The following PHETA2 variants were observed in gnomAD, a reference collection of about 807,000 sequenced individuals.
PHETA2 encodes the protein sesquipedalian-2.
For synonymous variants in PHETA2, 133 were observed against 142.9 expected, an observed-to-expected ratio of 0.93 and a Z score of 0.50; for missense variants, 321 against 341.3, an observed-to-expected ratio of 0.94 and a Z score of 0.47.
At chr22:42,077,209 C>A in intron 2 of PHETA2, 71 bp from the exon 3 acceptor site, 2 of 1,432,342 alleles carry the variant, frequency 1.4e-6, no homozygotes, top group South Asian at 2.9e-5. Context: ...CCTCTGGAGC[C>A]GGTGCTGTTC....
Position 42,077,988 on chromosome 22 carries a change from G to T in PHETA2, c.695G>T (p.Gly232Val), listed in dbSNP as rs752707160. Residue 232 changes from glycine (G) to valine (V), a missense_variant, in exon 3 of 3, where the codon GGC (glycine) becomes GTC (valine). Physicochemically the swap from Gly to Val is moderately radical, Grantham distance 109. Transcript: ENST00000321753. The part of the protein sequence containing the change: ...SCFSTLHDWY[G>V]QEIVELRQCW... The stretch of plus-strand genomic sequence containing the variant: ...TTCTCTACCCTGCATGACTGGTATG[G>T]CCAGGAGATCGTGGAGCTGCGGCAG... 1.9e-6 allele frequency: 3 copies of T among 1,611,898 alleles called. No homozygotes were observed. Among genetic ancestry groups the T allele is most frequent in the Non-Finnish European group, 2.5e-6 (3 of 1,179,212 alleles).
intron 1 of PHETA2, among the ~76,000 whole-genome samples, chr22:42,074,937 A>G (rs182294569): frequency 9.3e-4 from 142 of 152,276 alleles, no homozygotes; most frequent in African/African-American, 3.2e-3. Flanking sequence ...GTTTGCCTAC[A>G]GTGTGTTTCC....
Position 42,079,415 on chromosome 22 carries a change from A to G in PHETA2, c.*1342A>G. 6.7e-6 allele frequency: 2 copies of G among 300,420 alleles called. No homozygotes were observed. Among genetic ancestry groups the G allele is most frequent in the Non-Finnish European group, 1.3e-5 (2 of 152,620 alleles). 18.6% of individuals were successfully genotyped at this position (300,420 alleles called of 1,614,324 possible). Reference sequence around the variant, plus strand: ...ACAGTGTTTTGTACACGGTTAAAACACTAGTAAAGCTTTTTCGTTATTACT... The same window carrying G: ...ACAGTGTTTTGTACACGGTTAAAACGCTAGTAAAGCTTTTTCGTTATTACT... On this transcript the variant is annotated 3_prime_UTR_variant, in exon 3 of 3. Transcript: ENST00000321753.
intron 1 of PHETA2, among the ~76,000 whole-genome samples, chr22:42,074,689 C>T (rs1927212629): frequency 1.3e-5 from 2 of 152,122 alleles, no homozygotes; most frequent in South Asian, 4.1e-4. Flanking sequence ...GTCATGGCCC[C>T]ACGGGCTGCC....
Position 42,077,767 on chromosome 22 carries a change from GC to G in PHETA2, c.478del (p.Gln160ArgfsTer51). 6.2e-7 allele frequency: 1 copy of G among 1,613,110 alleles called. No individual in the cohort carries two copies. Among genetic ancestry groups the G allele is most frequent in the African/African-American group, 1.3e-5 (1 of 75,064 alleles). Reference protein sequence around the residue: ...SWKSVASRCKPQAPNHRAAGL... With the variant: ...SWKSVASRCKXQAPNHRAAGL... ...GGAAGTCTGTTGCCAGCCGCTGTAA[GC>G]CCCAGGCTCCTAACCACCGAGCTGC... On this transcript the variant is annotated frameshift_variant, in exon 3 of 3. Coordinates refer to ENST00000321753, the MANE Select transcript of PHETA2 (RefSeq NM_001002034.3). LOFTEE classifies it low-confidence loss of function (END_TRUNC).
In PHETA2 at chr22:42,078,166, TG is replaced by T; in HGVS notation, c.*96del. 1 of 1,368,336 alleles carries T rather than the reference TG, an allele frequency of 7.3e-7. No individual in the cohort carries two copies. The highest frequency in any genetic ancestry group is 9.8e-7 in the Non-Finnish European group (1 of 1,025,290). 84.8% of individuals were successfully genotyped at this position (1,368,336 alleles called of 1,614,324 possible). On this transcript the variant is annotated 3_prime_UTR_variant, in exon 3 of 3. Transcript: ENST00000321753. ...CAAGGTTGCGTTTTGGGAGGGGACA[TG>T]GGTTCTCTCCTTCCTGCTATTTAGG...
chr22:42,077,666 C>A lies in PHETA2; in HGVS notation c.373C>A (p.Arg125Ser), dbSNP rs767052853. The A allele has an allele frequency of 2.5e-6, 4 of 1,614,054 alleles. No individual in the cohort carries two copies. In the African/African-American group the frequency reaches 5.3e-5, roughly 22 times the overall value. The change falls in exon 3 of 3, where the codon CGC (arginine) becomes AGC (serine). Residue 125 changes from arginine to serine, a missense_variant. Arg to Ser is a moderately radical substitution (Grantham distance 110). Coordinates refer to ENST00000321753, the MANE Select transcript of PHETA2 (RefSeq NM_001002034.3). ...GTCCCGGGCAAGCTTTGGCTACATG[C>A]GCCTGGTGGTACGCGAGTTGGAGAG... The part of the protein sequence containing the change: ...VLSRASFGYM[R>S]LVVRELESQL...
chr22:42,074,385 G>C (rs1602502855), intron 1 of PHETA2, 44 bp downstream of exon 1: 1 of 152,436 alleles, frequency 6.6e-6, no homozygotes, highest in East Asian at 1.9e-4. Context: ...TGGCCCCAGG[G>C]AAGGTGTGGC....
In PHETA2 at chr22:42,077,600, G is replaced by A. The variant is rs1927340864; in HGVS notation, c.307G>A (p.Ala103Thr). 1 of 1,614,072 alleles carries A rather than the reference G, an allele frequency of 6.2e-7. No individual in the cohort carries two copies. The highest frequency in any genetic ancestry group is 8.5e-7 in the Non-Finnish European group (1 of 1,179,982). Residue 103 changes from alanine to threonine, a missense_variant, in exon 3 of 3, where the codon GCA (alanine) becomes ACA (threonine). By Grantham distance (58) the Ala-to-Thr change is moderately conservative. Transcript: ENST00000321753. Reference protein sequence around the residue: ...APGVRPHLLAAEGPAAQEAWV... With the variant: ...APGVRPHLLATEGPAAQEAWV... Reference sequence around the variant, plus strand: ...TGGAGTGCGCCCACACCTGCTGGCCGCAGAAGGGCCGGCGGCCCAGGAGGC... The same window carrying A: ...TGGAGTGCGCCCACACCTGCTGGCCACAGAAGGGCCGGCGGCCCAGGAGGC...
In PHETA2 at chr22:42,075,988, T is replaced by C. The variant is rs1326960978; in HGVS notation, c.-15+336T>C. The C allele has an allele frequency of 1.3e-5, 2 of 153,862 alleles. No individual in the cohort carries two copies. Among genetic ancestry groups the C allele is most frequent in the East Asian group, 3.8e-4 (2 of 5,242 alleles). 9.5% of individuals were successfully genotyped at this position (153,862 alleles called of 1,614,324 possible). On this transcript the variant is annotated intron_variant, in intron 2 of 2. Coordinates refer to ENST00000321753, the MANE Select transcript of PHETA2 (RefSeq NM_001002034.3). This position sits in a 1 kb window ranked among gnomAD's most constrained non-coding sequence, Gnocchi z 4.8. Reference sequence around the variant, plus strand: ...CCCAGACATACTGAAACGCAACAGCTGTCAAGTCTTACTCCTCCCTTGAGC... The same window carrying C: ...CCCAGACATACTGAAACGCAACAGCCGTCAAGTCTTACTCCTCCCTTGAGC...
intron 2 of PHETA2, 105 bp from the exon 3 acceptor site, chr22:42,077,175 G>C: frequency 9.5e-7 from 1 of 1,051,024 alleles, no homozygotes; most frequent in South Asian, 1.8e-5. Context: ...GCGAGTAGGA[G>C]TCCCAGGGCT....
At position 42,077,653 on chromosome 22, in the gene PHETA2, C is replaced by T. The variant is rs759026583; in HGVS notation, c.360C>T (p.Ser120=). ...EAWVKVLSRA[S]FGYMRLVVRE... is the part of the protein sequence containing the mutation. ...GGGTGAAGGTGCTGTCCCGGGCAAG[C>T]TTTGGCTACATGCGCCTGGTGGTAC... The change falls in exon 3 of 3, where the codon AGC becomes AGT. Residue 120 remains serine (S), a synonymous_variant. Coordinates refer to ENST00000321753, the MANE Select transcript of PHETA2 (RefSeq NM_001002034.3). 6.2e-7 allele frequency: 1 copy of T among 1,614,186 alleles called. No homozygotes were observed. Among genetic ancestry groups the T allele is most frequent in the Non-Finnish European group, 8.5e-7 (1 of 1,180,024 alleles).
chr22:42,076,331 CTT>C (rs1927280451), intron 2 of PHETA2, among the ~76,000 whole-genome samples: 2 of 151,508 alleles, frequency 1.3e-5, no homozygotes, highest in East Asian at 1.9e-4. Flanking sequence ...GAGTTTCTCT[CTT>C]GTCACCCAGG....
rs1479635609 is a variant in PHETA2, at chr22:42,078,941, T to C, written c.*868T>C. Reference sequence around the variant, plus strand: ...CTTGGACACGGGATTGCGTTTCCTGTGCTAAAATTCTCTCTCCTGGCTGGG... The same window carrying C: ...CTTGGACACGGGATTGCGTTTCCTGCGCTAAAATTCTCTCTCCTGGCTGGG... On this transcript the variant is annotated 3_prime_UTR_variant, in exon 3 of 3. Transcript: ENST00000321753. The C allele has an allele frequency of 1.8e-5, 3 of 167,166 alleles. No homozygotes were observed. The highest frequency in any genetic ancestry group is 2.1e-4 in the South Asian group (1 of 4,834). The allele number at this position is 167,166 out of a possible 1,614,324, so 10.4% of individuals were successfully genotyped here. A position where few individuals can be genotyped will look rare whatever the true frequency, so the allele number is the denominator to read the frequency against.
intron 2 of PHETA2, 98 bp from the exon 3 acceptor site, chr22:42,077,182 G>A (rs1927312026): frequency 8.6e-7 from 1 of 1,158,212 alleles, no homozygotes; most frequent in Non-Finnish European, 1.2e-6. Flanking sequence ...GGAGTCCCAG[G>A]GCTGGGGTCC....
In PHETA2 at chr22:42,075,103, A is replaced by G. The variant is rs1927233973; in HGVS notation, c.-96-468A>G. 6.6e-6 allele frequency among the ~76,000 whole-genome samples: 1 copy of G among 152,086 alleles called. No individual in the cohort carries two copies. Among genetic ancestry groups the G allele is most frequent in the Non-Finnish European group, 1.5e-5 (1 of 68,010 alleles). On this transcript the variant is annotated intron_variant, in intron 1 of 2. Transcript: ENST00000321753. The surrounding 1 kb of genome is among the most constrained non-coding windows in gnomAD (Gnocchi z 4.8). ...TGGGAACTTAGCTGAGCCCCACCCTAGACATTCTGGGGCTGGGAACAGTGC... is the reference window on the plus strand; with the variant it reads ...TGGGAACTTAGCTGAGCCCCACCCTGGACATTCTGGGGCTGGGAACAGTGC...
chr22:42,077,611 G>T lies in PHETA2; in HGVS notation c.318G>T (p.Pro106=). The change falls in exon 3 of 3, where the codon CCG becomes CCT. Residue 106 remains proline (P), a synonymous_variant. Coordinates refer to ENST00000321753, the MANE Select transcript of PHETA2 (RefSeq NM_001002034.3). Reference sequence around the variant, plus strand: ...CACACCTGCTGGCCGCAGAAGGGCCGGCGGCCCAGGAGGCCTGGGTGAAGG... The same window carrying T: ...CACACCTGCTGGCCGCAGAAGGGCCTGCGGCCCAGGAGGCCTGGGTGAAGG... ...VRPHLLAAEG[P]AAQEAWVKVL... The T allele has an allele frequency of 1.9e-6, 3 of 1,614,086 alleles. No individual in the cohort carries two copies. Among genetic ancestry groups the T allele is most frequent in the Non-Finnish European group, 2.5e-6 (3 of 1,179,988 alleles).
intron 1 of PHETA2, among the ~76,000 whole-genome samples, chr22:42,074,961 T>C (rs959830737): frequency 4.6e-5 from 7 of 152,234 alleles, no homozygotes; most frequent in Non-Finnish European, 1.0e-4. Flanking sequence ...TGTGGGAATG[T>C]AGGCTCCAGG....
At chr22:42,076,723 C>A (rs2146853559) in intron 2 of PHETA2, among the ~76,000 whole-genome samples, 1 of 152,328 alleles carries the variant, frequency 6.6e-6, no homozygotes, top group East Asian at 1.9e-4. Context: ...GAAGTTTGTT[C>A]TGGGCAGTTA....
Sources: gnomAD v4.1 joint callset for allele counts (sites outside exome capture counted in the v4.1 genomes callset) on GRCh38, gnomAD v4.1.1 for gene constraint, Gnocchi (gnomAD v3.1) non-coding constraint, MANE v1.5 for transcripts, NCBI Gene and HGNC (gene_info 2026-07-23, HGNC 2026-07-21) for gene names.